The following POGZ variants were observed in gnomAD, a reference collection of about 807,000 sequenced individuals.
POGZ encodes the protein pogo transposable element with ZNF domain.
In POGZ, 17 loss-of-function variants were observed where a neutral mutation model predicts 134.6. That is an observed-to-expected ratio of 0.13 (90% CI 0.09 to 0.19). The LOEUF is 0.19. Among genes scored for constraint, POGZ ranks in the 10% least tolerant of loss-of-function variants. POGZ has a pLI of 1.00. For synonymous variants in POGZ, 693 were observed against 657.1 expected (o/e 1.05, Z -0.84); for missense variants, 1,306 against 1,769.7 (o/e 0.74, Z 4.70).
rs748623177 is a variant in POGZ at position 151,405,119 on chromosome 1, C to T, written c.3916G>A (p.Gly1306Ser). Residue 1306 changes from glycine (G) to serine (S), a missense_variant, in exon 19 of 19, where the codon GGT (glycine) becomes AGT (serine). Around this residue, in one of 10 missense-constraint regions of POGZ, gnomAD observed 67 missense variants for 105.8 expected, o/e 0.63. Coordinates refer to ENST00000271715, the MANE Select transcript of POGZ (RefSeq NM_015100.4). The surrounding 1 kb of genome is among the most constrained non-coding windows in gnomAD (Gnocchi z 4.9). ...VLLQLVLVWL[G>S]EVLGVIGDCP... Reference sequence around the variant, plus strand: ...TCCCCAATGACACCTAGCACTTCACCCAGCCAGACAAGCACCAGCTGAAGC... The same window carrying T: ...TCCCCAATGACACCTAGCACTTCACTCAGCCAGACAAGCACCAGCTGAAGC... 1.7e-5 allele frequency: 28 copies of T among 1,614,088 alleles called. No individual in the cohort carries two copies. The highest frequency in any genetic ancestry group is 2.7e-5 in the African/African-American group (2 of 74,940).
At position 151,440,965 on chromosome 1, in the gene POGZ, T is replaced by C; in HGVS notation, c.246A>G (p.Thr82=). ...SSSGAQNSDS[T]KKTLVTLIAN... The stretch of plus-strand genomic sequence containing the variant: ...CAATTAGTGTGACAAGAGTCTTCTT[T>C]GTACTGTCGCTGTTCTGTGCCCCGC... The change falls in exon 3 of 19, where the codon ACA becomes ACG. Residue 82 remains threonine (T), a synonymous_variant. Coordinates refer to ENST00000271715, the MANE Select transcript of POGZ (RefSeq NM_015100.4). 2 of 1,614,022 alleles carry C rather than the reference T, an allele frequency of 1.2e-6. No homozygotes were observed. Among genetic ancestry groups the C allele is most frequent in the Non-Finnish European group, 1.7e-6 (2 of 1,179,920 alleles).
At chr1:151,415,451 T>C (rs1292086031) in intron 10 of POGZ, among the ~76,000 whole-genome samples, 1 of 149,944 alleles carries the variant, frequency 6.7e-6, no homozygotes, top group East Asian at 2.0e-4. Flanking sequence ...GGATCACGAG[T>C]TCAGGAGATC....
intron 5 of POGZ, 73 bp from the exon 6 acceptor site, chr1:151,428,486 G>A: frequency 7.6e-7 from 1 of 1,308,548 alleles, no homozygotes; most frequent in Non-Finnish European, 1.1e-6. Context: ...TGCCTTTACT[G>A]GAAAGATTAT....
At chr1:151,419,672 A>AAG (rs1656520496) in intron 10 of POGZ, among the ~76,000 whole-genome samples, 2 of 143,802 alleles carry the variant, frequency 1.4e-5, no homozygotes, top group Non-Finnish European at 3.0e-5. Context: ...CTGTCTCAAA[A>AAG]AAAAAAAAAA....
chr1:151,444,717 CAATACCTTA>C (rs1661024919), intron 1 of POGZ, among the ~76,000 whole-genome samples: 1 of 152,176 alleles, frequency 6.6e-6, no homozygotes, highest in Non-Finnish European at 1.5e-5. Flanking sequence ...TAAGTATTTA[CAATACCTTA>C]AGAGTTTCAG....
chr1:151,408,369 C>A, intron 14 of POGZ, 40 bp downstream of exon 14: 1 of 1,561,318 alleles, frequency 6.4e-7, no homozygotes, highest in Non-Finnish European at 8.6e-7. Flanking sequence ...TCCTGGCCAC[C>A]CAGTCCCCAC....
Position 151,406,210 on chromosome 1 carries a change from A to C in POGZ, c.2825T>G (p.Val942Gly). The change falls in exon 19 of 19, where the codon GTT becomes GGT. Residue 942 changes from valine (V) to glycine (G), a missense_variant. Physicochemically the swap from Val to Gly is moderately radical, Grantham distance 109 (BLOSUM62 -3). This residue lies in a region of POGZ where 214 missense variants were observed against 255.5 expected (regional missense o/e 0.84). Coordinates refer to ENST00000271715, the MANE Select transcript of POGZ (RefSeq NM_015100.4). ...LATEGAECLN[V>G]DDQDEGSPVT... ...TGGGCTCCCTTCATCCTGATCATCA[A>C]CATTCAGACATTCGGCTCCCTCTGT... The C allele has an allele frequency of 1.2e-6, 2 of 1,614,128 alleles. No individual in the cohort carries two copies. Among genetic ancestry groups the C allele is most frequent in the Non-Finnish European group, 8.5e-7 (1 of 1,180,016 alleles).
At chr1:151,416,085 G>A (rs1227497769) in intron 10 of POGZ, among the ~76,000 whole-genome samples, 1 of 151,758 alleles carries the variant, frequency 6.6e-6, no homozygotes, top group Non-Finnish European at 1.5e-5. Flanking sequence ...GTGCACGCCT[G>A]TAATCCCAGC....
intron 1 of POGZ, among the ~76,000 whole-genome samples, 179 bp downstream of exon 1, chr1:151,458,973 C>CCGCGCCGCCACTCGCGGTGGGCGGGGGCG (rs1663167415): frequency 1.4e-5 from 2 of 144,908 alleles, no homozygotes; most frequent in Non-Finnish European, 3.1e-5. Context: ...CTGCCGCGGG[C>CCGCGCCGCCACTCGCGGTGGGCGGGGGCG]CGCGCCGCCA....
rs1657541189 is a variant in POGZ at position 151,425,073 on chromosome 1, GAGA to G, written c.1079-15_1079-13del. 1 of 1,325,044 alleles carries G rather than the reference GAGA, an allele frequency of 7.5e-7. No individual in the cohort carries two copies. The highest frequency in any genetic ancestry group is 1.1e-6 in the Non-Finnish European group (1 of 928,162). 82.1% of individuals were successfully genotyped at this position (1,325,044 alleles called of 1,614,324 possible). The stretch of plus-strand genomic sequence containing the variant: ...GATGGAAGAGGTCACTGAAAGAAGT[GAGA>G]AGAATTGATAAGATTAATACAATGA... On this transcript the variant is annotated splice_polypyrimidine_tract_variant and intron_variant, in intron 7 of 18. Coordinates refer to ENST00000271715, the MANE Select transcript of POGZ (RefSeq NM_015100.4).
chr1:151,403,594 T>G lies in POGZ; in HGVS notation c.*1208A>C. ...CCTCATGCAAATTGTAGAAAAAATT[T>G]TCTTTCCTTGAAGCTGGCAGTGAAA... On this transcript the variant is annotated 3_prime_UTR_variant, in exon 19 of 19. Transcript: ENST00000271715. 1 of 985,838 alleles carries G rather than the reference T, an allele frequency of 1.0e-6. No homozygotes were observed. The highest frequency in any genetic ancestry group is 1.2e-6 in the Non-Finnish European group (1 of 829,914). 61.1% of individuals were successfully genotyped at this position (985,838 alleles called of 1,614,324 possible). A position where few individuals can be genotyped will look rare whatever the true frequency, so the allele number is the denominator to read the frequency against.
Position 151,430,818 on chromosome 1 carries a change from C to T in POGZ, c.307G>A (p.Gly103Ser), listed in dbSNP as rs1315664936. Reference sequence around the variant, plus strand: ...TGGGTCAGGATGAGTGGCTGTCCACCTTGCTGGACCAAAGGATTGCCAGCT... The same window carrying T: ...TGGGTCAGGATGAGTGGCTGTCCACTTTGCTGGACCAAAGGATTGCCAGCT... ...NNAGNPLVQQ[G>S]GQPLILTQNP... Residue 103 changes from glycine to serine, a missense_variant, in exon 4 of 19, where the codon GGT (glycine) becomes AGT (serine). Physicochemically the swap from Gly to Ser is moderately conservative, Grantham distance 56. This residue lies in a region of POGZ where 541 missense variants were observed against 680.5 expected (regional missense o/e 0.80). Coordinates refer to ENST00000271715, the MANE Select transcript of POGZ (RefSeq NM_015100.4). The T allele has an allele frequency of 6.4e-7, 1 of 1,572,690 alleles. No homozygotes were observed. Among genetic ancestry groups the T allele is most frequent in the Admixed American group, 2.0e-5 (1 of 50,974 alleles).
intron 9 of POGZ, 52 bp from the exon 10 acceptor site, chr1:151,423,603 T>C: frequency 7.0e-7 from 1 of 1,422,800 alleles, no homozygotes; most frequent in Admixed American, 2.0e-5. Context: ...ATTGGTAGCC[T>C]TTTAGAAATA....
intron 10 of POGZ, among the ~76,000 whole-genome samples, chr1:151,419,856 A>C (rs1656584000): frequency 6.6e-6 from 1 of 152,086 alleles, no homozygotes; most frequent in South Asian, 2.1e-4. Context: ...AAAAAAGATC[A>C]ATGAGGGTCT....
In POGZ at chr1:151,428,314, G is replaced by A; in HGVS notation, c.668C>T (p.Thr223Ile). 6.2e-7 allele frequency: 1 copy of A among 1,614,134 alleles called. No individual in the cohort carries two copies. Among genetic ancestry groups the A allele is most frequent in the South Asian group, 1.1e-5 (1 of 91,084 alleles). ...RPGSTMPVRP[T>I]TNTFTTVIPA... The stretch of plus-strand genomic sequence containing the variant: ...GATGACGGTGGTGAAGGTGTTGGTG[G>A]TGGGCCTCACAGGCATTGTGGAGCC... The change falls in exon 6 of 19, where the codon ACC becomes ATC. Residue 223 changes from threonine (T) to isoleucine (I), a missense_variant. Physicochemically the swap from Thr to Ile is moderately conservative, Grantham distance 89. Around this residue, in one of 10 missense-constraint regions of POGZ, gnomAD observed 541 missense variants for 680.5 expected, o/e 0.80. Transcript: ENST00000271715.
rs1653114321 is a variant in POGZ at position 151,403,796 on chromosome 1, C to G, written c.*1006G>C. The G allele has an allele frequency of 4.1e-6, 4 of 985,536 alleles. No individual in the cohort carries two copies. The African/African-American group carries it at 5.2e-5, about 13-fold the overall frequency. 61.0% of individuals were successfully genotyped at this position (985,536 alleles called of 1,614,324 possible). A position where few individuals can be genotyped will look rare whatever the true frequency, so the allele number is the denominator to read the frequency against. Reference sequence around the variant, plus strand: ...AACAATTAGCTCCTGGCTGTAGGACCAGTAATCCCTTAAACAGGCATGCTC... The same window carrying G: ...AACAATTAGCTCCTGGCTGTAGGACGAGTAATCCCTTAAACAGGCATGCTC... On this transcript the variant is annotated 3_prime_UTR_variant, in exon 19 of 19. Transcript: ENST00000271715.
At position 151,441,066 on chromosome 1, in the gene POGZ, C is replaced by G. The variant is rs774769269; in HGVS notation, c.145G>C (p.Val49Leu). 1.2e-6 allele frequency: 2 copies of G among 1,613,746 alleles called. No individual in the cohort carries two copies. The highest frequency in any genetic ancestry group is 1.7e-6 in the Non-Finnish European group (2 of 1,179,832). ...GCAGCGATGGGCACTGGAGCCGAGA[C>G]TGGCTGCTGGCTCACAGAAACTGTG... ...TTTVSVSQQP[V>L]SAPVPIAAHA... The change falls in exon 3 of 19, where the codon GTC becomes CTC. Residue 49 changes from valine to leucine, a missense_variant. Physicochemically the swap from Val to Leu is conservative, Grantham distance 32 (BLOSUM62 1). This residue lies in a region of POGZ where 541 missense variants were observed against 680.5 expected (regional missense o/e 0.80). Transcript: ENST00000271715.
intron 12 of POGZ, among the ~76,000 whole-genome samples, chr1:151,409,883 A>G (rs1370245747): frequency 6.6e-6 from 1 of 152,240 alleles, no homozygotes; most frequent in African/African-American, 2.4e-5. Flanking sequence ...CTTCAAAAAT[A>G]GAACCCATGT....
chr1:151,437,081 C>T (rs1042668150), intron 3 of POGZ, among the ~76,000 whole-genome samples: 1 of 151,982 alleles, frequency 6.6e-6, no homozygotes, highest in Admixed American at 6.6e-5. Flanking sequence ...GCAGTCCCAG[C>T]TACTTGGGAG....
Sources: allele counts gnomAD v4.1 joint callset (sites outside exome capture counted in the v4.1 genomes callset), GRCh38; gene constraint gnomAD v4.1.1; regional missense constraint gnomAD v4.1.1; non-coding constraint Gnocchi (gnomAD v3.1); transcripts MANE v1.5; gene names NCBI Gene and HGNC (gene_info 2026-07-23, HGNC 2026-07-21).